Variants in OPRM1 observed in about 807,000 individuals in gnomAD.
The protein encoded by OPRM1 is opioid receptor mu 1.
Under a neutral mutation model 31.8 loss-of-function variants are expected in OPRM1, and 27 were observed. That is an observed-to-expected ratio of 0.85 (90% CI 0.63 to 1.17). The LOEUF is 1.17. OPRM1 is among the 50% of genes most tolerant of loss of function. The probability of loss-of-function intolerance (pLI) is 0.00; values close to 1 mark genes in which losing one functional copy is unlikely to be tolerated. For synonymous variants in OPRM1, 196 were observed against 189.9 expected (o/e 1.03, Z -0.26); for missense variants, 536 against 511.1 (o/e 1.05, Z -0.47).
intron 3 of OPRM1, among the ~76,000 whole-genome samples, chr6:154,146,696 A>C (rs564697843): frequency 6.6e-6 from 1 of 152,250 alleles, no homozygotes; most frequent in South Asian, 2.1e-4. Flanking sequence ...GGAGAAACAC[A>C]ATATCATCCT....
chr6:154,152,501 A>G (rs73790454), intron 3 of OPRM1, among the ~76,000 whole-genome samples: 10,064 of 152,164 alleles, frequency 0.066, 966 homozygotes, highest in African/African-American at 0.21. Flanking sequence ...TCACACTGTC[A>G]TGGGGGAAGA....
At chr6:154,078,629 G>A (rs1215208696) in intron 1 of OPRM1, among the ~76,000 whole-genome samples, 2 of 152,228 alleles carry the variant, frequency 1.3e-5, no homozygotes, top group African/African-American at 4.8e-5. Context: ...CCAGCATTTT[G>A]GGAGGCCAAG....
chr6:154,143,475 TAGAC>T (rs1798274233), intron 3 of OPRM1, among the ~76,000 whole-genome samples: 2 of 152,342 alleles, frequency 1.3e-5, no homozygotes, highest in African/African-American at 4.8e-5. Flanking sequence ...ACAAGAAAGA[TAGAC>T]AGGAAGCAAA....
chr6:154,235,269 G>A (rs192572358), intron 3 of OPRM1, among the ~76,000 whole-genome samples: 1 of 152,232 alleles, frequency 6.6e-6, no homozygotes, highest in African/African-American at 2.4e-5. Context: ...GGTGGCTCAC[G>A]CCTGTAATCC....
intron 3 of OPRM1, among the ~76,000 whole-genome samples, chr6:154,164,300 T>C (rs1799253405): frequency 6.6e-6 from 1 of 152,234 alleles, no homozygotes; most frequent in South Asian, 2.1e-4. Context: ...AAGCTGACAC[T>C]TCTCATATGG....
chr6:154,012,028 T>C (rs1339223898), intron 1 of OPRM1, among the ~76,000 whole-genome samples: 3 of 152,166 alleles, frequency 2.0e-5, no homozygotes, highest in Non-Finnish European at 4.4e-5. Flanking sequence ...ATTGCATTTT[T>C]AGCAGTTATA....
rs563867733 is a variant in OPRM1 at position 154,139,927 on chromosome 6, G to A, written c.1164+48455G>A. On this transcript the variant is annotated intron_variant, in intron 3 of 3. Transcript: ENST00000337049. Reference sequence around the variant, plus strand: ...CCCGCAGTTTAAATTCCCCGGTGACGTTATCTCTTGGGGGGAACAAAAAAG... The same window carrying A: ...CCCGCAGTTTAAATTCCCCGGTGACATTATCTCTTGGGGGGAACAAAAAAG... 1.4e-4 allele frequency among the ~76,000 whole-genome samples: 21 copies of A among 152,202 alleles called. 1 individual carries two copies. The South Asian group carries it at 2.1e-3, about 15-fold the overall frequency.
At chr6:154,072,289 G>A (rs1485397729) in intron 1 of OPRM1, among the ~76,000 whole-genome samples, 4 of 152,182 alleles carry the variant, frequency 2.6e-5, no homozygotes, top group Admixed American at 2.6e-4. Flanking sequence ...TAGCAAGGTA[G>A]GCAGTTGAGT....
chr6:154,242,904 A>T (rs1780711775), intron 3 of OPRM1, among the ~76,000 whole-genome samples: 1 of 137,794 alleles, frequency 7.3e-6, no homozygotes, highest in Admixed American at 7.5e-5. Flanking sequence ...AAGAAAAGAA[A>T]AGTATAGGCC....
Position 154,125,336 on chromosome 6 carries a change from T to C in OPRM1, c.*6615T>C, listed in dbSNP as rs1028844560. On this transcript the variant is annotated 3_prime_UTR_variant, in exon 4 of 4. Transcript: ENST00000330432. ...CCAAAGCTATTTCATGAATCAAATA[T>C]CGTTTTCTACCTGCCCCACAACTGT... Among the ~76,000 whole-genome samples the C allele has an allele frequency of 1.3e-5, 2 of 152,218 alleles. No homozygotes were observed. Among genetic ancestry groups the C allele is most frequent in the Admixed American group, 6.5e-5 (1 of 15,280 alleles).
intron 1 of OPRM1, among the ~76,000 whole-genome samples, chr6:154,081,129 A>G (rs1251627870): frequency 6.6e-6 from 1 of 152,226 alleles, no homozygotes; most frequent in East Asian, 1.9e-4. Flanking sequence ...AAAGGAGAAA[A>G]TGTAGTCACC....
intron 1 of OPRM1, among the ~76,000 whole-genome samples, chr6:154,080,080 A>T (rs1459612336): frequency 6.6e-6 from 1 of 152,106 alleles, no homozygotes; most frequent in Non-Finnish European, 1.5e-5. Flanking sequence ...ATTTTACATA[A>T]TTTTTTAGTT....
chr6:154,023,310 G>A (rs1479491259), intron 1 of OPRM1, among the ~76,000 whole-genome samples: 2 of 151,792 alleles, frequency 1.3e-5, no homozygotes, highest in Non-Finnish European at 2.9e-5. Flanking sequence ...TTTACTTGTG[G>A]CTATTGTAAA....
At chr6:154,240,332 G>C (rs954014659) in intron 3 of OPRM1, among the ~76,000 whole-genome samples, 7 of 152,168 alleles carry the variant, frequency 4.6e-5, no homozygotes, top group South Asian at 4.2e-4. Context: ...GTTGTAGCTG[G>C]GGGAGAAAGA....
At chr6:154,150,208 C>T (rs1442647064) in intron 3 of OPRM1, among the ~76,000 whole-genome samples, 1 of 152,162 alleles carries the variant, frequency 6.6e-6, no homozygotes, top group African/African-American at 2.4e-5. Flanking sequence ...TATTAGTCTC[C>T]CTGGGCTCTT....
chr6:154,209,285 CT>C (rs1777763726), intron 3 of OPRM1, among the ~76,000 whole-genome samples: 2 of 152,210 alleles, frequency 1.3e-5, no homozygotes, highest in African/African-American at 4.8e-5. Flanking sequence ...ATTTTTGCCC[CT>C]AGGCTTGTAT....
At chr6:154,147,038 T>G (rs914366828) in intron 3 of OPRM1, among the ~76,000 whole-genome samples, 2 of 152,114 alleles carry the variant, frequency 1.3e-5, no homozygotes, top group Non-Finnish European at 2.9e-5. Context: ...TTTGTACTCT[T>G]CATAAATCAG....
intron 3 of OPRM1, among the ~76,000 whole-genome samples, chr6:154,188,455 G>A (rs1005726599): frequency 1.3e-5 from 2 of 152,146 alleles, no homozygotes; most frequent in Non-Finnish European, 2.9e-5. Context: ...AAAATGTAAC[G>A]CAATTCATGC....
At chr6:154,196,548 G>A (rs902771848) in intron 3 of OPRM1, among the ~76,000 whole-genome samples, 2 of 152,164 alleles carry the variant, frequency 1.3e-5, no homozygotes, top group Admixed American at 6.5e-5. Context: ...AGCATCCAGA[G>A]TAAGGTTTCT....
Sources: gnomAD v4.1 joint callset for allele counts (sites outside exome capture counted in the v4.1 genomes callset) on GRCh38, gnomAD v4.1.1 for gene constraint, MANE v1.5 for transcripts, NCBI Gene and HGNC (gene_info 2026-07-23, HGNC 2026-07-21) for gene names.